RBM33: variants seen among roughly 807,000 people sequenced by gnomAD.
RBM33 encodes RNA-binding protein 33.
In RBM33, 28 loss-of-function variants were observed where a neutral mutation model predicts 132.6. The ratio of observed to expected loss-of-function variants is 0.21; its 90% CI spans 0.16 to 0.29. The LOEUF (loss-of-function observed/expected upper bound fraction) is 0.29. Among genes scored for constraint, RBM33 ranks in the 10% least tolerant of loss-of-function variants. The pLI is 1.00. For synonymous variants in RBM33, 634 were observed against 593.0 expected (o/e 1.07, Z -1.01); for missense variants, 1,291 against 1,518.5 (o/e 0.85, Z 2.49).
At chr7:155,703,721 T>C (rs899807458) in intron 6 of RBM33, among the ~76,000 whole-genome samples, 3 of 152,098 alleles carry the variant, frequency 2.0e-5, no homozygotes, top group South Asian at 4.1e-4. Flanking sequence ...TGAGGAAATA[T>C]ATATTGAAAA....
intron 1 of RBM33, among the ~76,000 whole-genome samples, chr7:155,657,595 A>G (rs1171514499): frequency 6.6e-6 from 1 of 152,152 alleles, no homozygotes; most frequent in Non-Finnish European, 1.5e-5. Context: ...ACAGCTTCAA[A>G]TTTCTGACCT....
rs867847653 is a variant in RBM33 at position 155,774,614 on chromosome 7, C to G, written c.3431C>G (p.Ala1144Gly). The change falls in exon 17 of 18, where the codon GCC (alanine) becomes GGC (glycine). Residue 1144 changes from alanine to glycine, a missense_variant. Physicochemically the swap from Ala to Gly is moderately conservative, Grantham distance 60 (BLOSUM62 0). Around this residue, in one of 7 missense-constraint regions of RBM33, gnomAD observed 55 missense variants for 101.4 expected, o/e 0.54. Transcript: ENST00000401878. The surrounding 1 kb of genome is among the most constrained non-coding windows in gnomAD (Gnocchi z 4.2). Reference sequence around the variant, plus strand: ...GCCATAGCTAAGTTCAAGGAGCCAGCCCACGCATTAGCATTTCAGCAGAAA... The same window carrying G: ...GCCATAGCTAAGTTCAAGGAGCCAGGCCACGCATTAGCATTTCAGCAGAAA... The part of the protein sequence containing the change: ...RKAIAKFKEP[A>G]HALAFQQKFH... 1.2e-6 allele frequency: 2 copies of G among 1,613,926 alleles called. No individual in the cohort carries two copies. The highest frequency in any genetic ancestry group is 1.7e-6 in the Non-Finnish European group (2 of 1,179,824).
Position 155,775,163 on chromosome 7 carries a change from T to C in RBM33, c.*122T>C, listed in dbSNP as rs1802564185. 1.1e-6 allele frequency: 1 copy of C among 886,858 alleles called. No homozygotes were observed. The highest frequency in any genetic ancestry group is 1.9e-6 in the Non-Finnish European group (1 of 531,294). 54.9% of individuals were successfully genotyped at this position (886,858 alleles called of 1,614,324 possible). On this transcript the variant is annotated 3_prime_UTR_variant, in exon 18 of 18. Coordinates refer to ENST00000401878, the MANE Select transcript of RBM33 (RefSeq NM_053043.3). ...TCTCCGGGCCGCTGTCCTGCGTAAC[T>C]GTTCTCCAGAGCGCCAGCCAGCCAC...
intron 14 of RBM33, among the ~76,000 whole-genome samples, chr7:155,759,415 CTTTTTT>C (rs58449648): frequency 1.8e-5 from 2 of 114,014 alleles, no homozygotes; most frequent in Non-Finnish European, 3.5e-5. Context: ...TGTTTATGTT[CTTTTTT>C]TTTTTTTTTT....
chr7:155,685,646 G>A (rs1217773103), intron 5 of RBM33, among the ~76,000 whole-genome samples: 1 of 152,172 alleles, frequency 6.6e-6, no homozygotes, highest in Non-Finnish European at 1.5e-5. Flanking sequence ...TCTGAACTCT[G>A]AGGTAGGTCT....
chr7:155,736,313 A>G (rs7802220), intron 9 of RBM33, among the ~76,000 whole-genome samples: 44,419 of 152,130 alleles, frequency 0.29, 7,945 homozygotes, highest in African/African-American at 0.5. Context: ...AGAAAGAAGA[A>G]TGATACTTAA....
chr7:155,659,901 G>C lies in RBM33; in HGVS notation c.44-5274G>C, dbSNP rs114370070. On this transcript the variant is annotated intron_variant, in intron 1 of 17. Transcript: ENST00000401878. ...CTTTTGTTGGCTTCCTGCATTCCTT[G>C]GCTTATGGCAGCATAACTCAAGTCT... 3.6e-3 allele frequency among the ~76,000 whole-genome samples: 542 copies of C among 152,216 alleles called. 5 individuals are homozygous for C. Among genetic ancestry groups the C allele is most frequent in the African/African-American group, 0.013 (521 of 41,532 alleles).
At chr7:155,738,677 C>G in intron 11 of RBM33, 4 of 405,950 alleles carry the variant, frequency 9.9e-6, no homozygotes, top group Non-Finnish European at 1.3e-5. Flanking sequence ...AAAATTAGGA[C>G]ATGTTTTGAT....
At chr7:155,760,339 C>T (rs1314850216) in intron 14 of RBM33, among the ~76,000 whole-genome samples, 1 of 152,194 alleles carries the variant, frequency 6.6e-6, no homozygotes, top group Non-Finnish European at 1.5e-5. Context: ...AGCAAACCTT[C>T]CACAGTCCAT....
intron 5 of RBM33, among the ~76,000 whole-genome samples, chr7:155,696,995 A>G (rs894715769): frequency 6.6e-6 from 1 of 152,214 alleles, no homozygotes; most frequent in African/African-American, 2.4e-5. Context: ...CACTGGGCGC[A>G]TGACATCCAC....
At chr7:155,677,684 G>A (rs1019706094) in intron 3 of RBM33, among the ~76,000 whole-genome samples, 1 of 152,096 alleles carries the variant, frequency 6.6e-6, no homozygotes, top group African/African-American at 2.4e-5. Context: ...ATTATTTTTG[G>A]CTATCAGAAA....
chr7:155,692,518 T>A (rs1289408236), intron 5 of RBM33, among the ~76,000 whole-genome samples: 2 of 152,184 alleles, frequency 1.3e-5, no homozygotes, highest in East Asian at 3.8e-4. Context: ...TGCAGAGAAG[T>A]CCTTCCTGTA....
rs564528111 is a variant in RBM33, at chr7:155,776,714, G to A, written c.*1673G>A. 4.3e-4 allele frequency: 65 copies of A among 152,420 alleles called. No homozygotes were observed. Among genetic ancestry groups the A allele is most frequent in the African/African-American group, 1.5e-3 (61 of 41,592 alleles). 9.4% of individuals were successfully genotyped at this position (152,420 alleles called of 1,614,324 possible). A position where few individuals can be genotyped will look rare whatever the true frequency, so the allele number is the denominator to read the frequency against. On this transcript the variant is annotated 3_prime_UTR_variant, in exon 18 of 18. Transcript: ENST00000401878. The surrounding 1 kb of genome is among the most constrained non-coding windows in gnomAD (Gnocchi z 4.0). ...GTGCTGCCGCCACCTCTGCTCCAGA[G>A]TGTCCCAGCCAACCCTCGGAAGATG...
intron 5 of RBM33, among the ~76,000 whole-genome samples, chr7:155,697,570 A>C (rs960385770): frequency 1.3e-4 from 19 of 151,966 alleles, no homozygotes; most frequent in South Asian, 4.2e-4. Flanking sequence ...CTCTCTCTCT[A>C]TATATATAGA....
At chr7:155,724,989 T>TC (rs1491436947) in intron 9 of RBM33, among the ~76,000 whole-genome samples, 1 of 94,962 alleles carries the variant, frequency 1.1e-5, no homozygotes, top group African/African-American at 5.5e-5. Flanking sequence ...TGTGTACAGG[T>TC]TTGTGTGTGT....
chr7:155,706,747 A>T, intron 6 of RBM33, 113 bp from the exon 7 acceptor site: 1 of 846,334 alleles, frequency 1.2e-6, no homozygotes, highest in Non-Finnish European at 1.8e-6. Flanking sequence ...CCTGCGGGTG[A>T]AGCACATGCT....
intron 13 of RBM33, among the ~76,000 whole-genome samples, 174 bp from the exon 14 acceptor site, chr7:155,744,787 T>C (rs905977515): frequency 5.9e-5 from 9 of 151,996 alleles, no homozygotes; most frequent in East Asian, 1.9e-4. Context: ...GTGGTTTTTT[T>C]CCCCCTCCCC....
intron 12 of RBM33, 67 bp from the exon 13 acceptor site, chr7:155,741,752 G>A (rs1248114942): frequency 2.1e-5 from 29 of 1,365,326 alleles, no homozygotes; most frequent in Non-Finnish European, 2.9e-5. Flanking sequence ...ATTTAATAAT[G>A]TGCCTTTTAA....
At chr7:155,673,940 G>GTTTTTTTTTTTTTTTTTTTTTTT (rs71186053) in intron 3 of RBM33, among the ~76,000 whole-genome samples, 24 of 54,194 alleles carry the variant, frequency 4.4e-4, no homozygotes, top group Non-Finnish European at 6.5e-4. Context: ...TTTAGGCTTA[G>GTTTTTTTTTTTTTTTTTTTTTTT]TTTTTTTTTT....
Sources: gnomAD v4.1 joint callset for allele counts (sites outside exome capture counted in the v4.1 genomes callset) on GRCh38, gnomAD v4.1.1 for gene constraint, gnomAD v4.1.1 regional missense constraint, Gnocchi (gnomAD v3.1) non-coding constraint, MANE v1.5 for transcripts, NCBI Gene and HGNC (gene_info 2026-07-23, HGNC 2026-07-21) for gene names.